The following ANKRD55 variants were observed in gnomAD, a reference collection of about 807,000 sequenced individuals.
ANKRD55 encodes the protein ankyrin repeat domain-containing protein 55.
ANKRD55 carries 41 observed loss-of-function variants against 60.6 expected under a neutral mutation model. The observed-to-expected ratio is 0.68, with a 90% CI of 0.53 to 0.88. ANKRD55 has a LOEUF of 0.88. Among genes scored for constraint, ANKRD55 ranks in the 40% least tolerant of loss-of-function variants. The pLI, the probability that ANKRD55 is intolerant of heterozygous loss-of-function variation, is 0.00. For missense variants in ANKRD55, 732 were observed against 767.6 expected, an observed-to-expected ratio of 0.95 and a Z score of 0.55; for synonymous variants, 264 against 290.3, an observed-to-expected ratio of 0.91 and a Z score of 0.92.
At chr5:56,115,943 C>T (rs987907571) in intron 9 of ANKRD55, among the ~76,000 whole-genome samples, 1 of 151,990 alleles carries the variant, frequency 6.6e-6, no homozygotes, top group Non-Finnish European at 1.5e-5. Flanking sequence ...CAAACTCCAT[C>T]GCCCAGGTTC....
At chr5:56,187,141 T>C (rs1188642234) in intron 2 of ANKRD55, among the ~76,000 whole-genome samples, 1 of 152,180 alleles carries the variant, frequency 6.6e-6, no homozygotes, top group Non-Finnish European at 1.5e-5. Context: ...TAGTATTTAA[T>C]AGAGCTAAAG....
intron 7 of ANKRD55, among the ~76,000 whole-genome samples, chr5:56,141,912 A>G (rs1247182918): frequency 6.6e-6 from 1 of 152,192 alleles, no homozygotes; most frequent in Non-Finnish European, 1.5e-5. Flanking sequence ...TACCTTTATC[A>G]GTTAAGCCAA....
chr5:56,111,818 G>A, intron 9 of ANKRD55, 36 bp from the exon 10 acceptor site: 5 of 1,455,374 alleles, frequency 3.4e-6, no homozygotes, highest in Non-Finnish European at 4.5e-6. Context: ...TGATATGTGA[G>A]TATGGGAAGT....
chr5:56,149,877 T>C (rs1757998967), intron 6 of ANKRD55, among the ~76,000 whole-genome samples: 1 of 151,596 alleles, frequency 6.6e-6, no homozygotes, highest in South Asian at 2.1e-4. Flanking sequence ...AGTCTCATTC[T>C]GTCACCCAGG....
intron 2 of ANKRD55, among the ~76,000 whole-genome samples, chr5:56,204,997 T>C (rs941937043): frequency 3.3e-5 from 5 of 152,342 alleles, no homozygotes; most frequent in Non-Finnish European, 5.9e-5. Flanking sequence ...CATGTTCAGT[T>C]GAACATGATA....
chr5:56,147,300 T>G (rs1757922156), intron 6 of ANKRD55, among the ~76,000 whole-genome samples: 1 of 152,234 alleles, frequency 6.6e-6, no homozygotes, highest in Non-Finnish European at 1.5e-5. Context: ...GAAAAAAATG[T>G]TCTTTCCACA....
At chr5:56,101,226 T>C (rs1465982010) in intron 11 of ANKRD55, among the ~76,000 whole-genome samples, 1 of 152,176 alleles carries the variant, frequency 6.6e-6, no homozygotes, top group Non-Finnish European at 1.5e-5. Context: ...GCAAACAGTG[T>C]GCCAAGTGTT....
chr5:56,170,911 AT>A, intron 4 of ANKRD55, 108 bp from the exon 5 acceptor site: 2 of 985,996 alleles, frequency 2.0e-6, no homozygotes, highest in Non-Finnish European at 1.5e-6. Context: ...TTAAAAACAT[AT>A]TTTATTTGAC....
intron 2 of ANKRD55, among the ~76,000 whole-genome samples, chr5:56,220,814 A>G (rs1246257152): frequency 1.3e-5 from 2 of 152,144 alleles, no homozygotes; most frequent in African/African-American, 4.8e-5. Flanking sequence ...CTCCATCTCA[A>G]AAAACAAAAC....
chr5:56,198,704 G>C (rs1759284003), intron 2 of ANKRD55, among the ~76,000 whole-genome samples: 1 of 152,144 alleles, frequency 6.6e-6, no homozygotes, highest in Non-Finnish European at 1.5e-5. Context: ...AGGCCTGACA[G>C]AAACATACTG....
chr5:56,115,465 C>T (rs1396959975), intron 9 of ANKRD55, among the ~76,000 whole-genome samples: 18 of 151,796 alleles, frequency 1.2e-4, no homozygotes, highest in Admixed American at 9.8e-4. Context: ...GTTACAGGCA[C>T]GCACCACCAC....
intron 2 of ANKRD55, among the ~76,000 whole-genome samples, chr5:56,194,423 C>A (rs1375427576): frequency 6.6e-6 from 1 of 151,728 alleles, no homozygotes; most frequent in East Asian, 1.9e-4. Context: ...AATGATCCAA[C>A]CCCCCCAACA....
At chr5:56,231,511 C>T (rs761422027) in intron 2 of ANKRD55, among the ~76,000 whole-genome samples, 3 of 152,106 alleles carry the variant, frequency 2.0e-5, no homozygotes, top group Non-Finnish European at 4.4e-5. Context: ...TGGTTCTTAG[C>T]AGATTTTCAC....
rs367729426 is a variant in ANKRD55, at chr5:56,111,279, A to C, written c.1469T>G (p.Leu490Arg). Residue 490 changes from leucine to arginine, a missense_variant, in exon 10 of 12, where the codon CTA (leucine) becomes CGA (arginine). Around this residue, in one of 3 missense-constraint regions of ANKRD55, gnomAD observed 597 missense variants for 607.5 expected, o/e 0.98. Coordinates refer to ENST00000341048, the MANE Select transcript of ANKRD55 (RefSeq NM_024669.3). ...LNNRTGCQML[L>R]DNPWKSDSNQ... Reference sequence around the variant, plus strand: ...AGAATCACTCTTCCAGGGGTTATCTAGTAACATCTGGCAGCCAGTTCTGTT... The same window carrying C: ...AGAATCACTCTTCCAGGGGTTATCTCGTAACATCTGGCAGCCAGTTCTGTT... 1.1e-5 allele frequency: 17 copies of C among 1,614,082 alleles called. No homozygotes were observed. Among genetic ancestry groups the C allele is most frequent in the Non-Finnish European group, 1.4e-5 (17 of 1,180,042 alleles).
intron 2 of ANKRD55, among the ~76,000 whole-genome samples, chr5:56,224,546 G>A (rs1217463876): frequency 2.6e-5 from 4 of 152,114 alleles, no homozygotes; most frequent in Non-Finnish European, 5.9e-5. Context: ...AGTGAATCCA[G>A]GAGCCGCTTT....
In ANKRD55 at chr5:56,116,655, C is replaced by T. The variant is rs770562636; in HGVS notation, c.925G>A (p.Gly309Ser). Residue 309 changes from glycine to serine, a missense_variant, in exon 9 of 12, where the codon GGT (glycine) becomes AGT (serine). Physicochemically the swap from Gly to Ser is moderately conservative, Grantham distance 56. Transcript: ENST00000341048. ...STPLAYALYC[G>S]HTACVKLLSQ... ...AGGAGTTTGACACACGCCGTGTGACCGCAGTACAGGGCATAGGCCAAGGGC... is the reference window on the plus strand; with the variant it reads ...AGGAGTTTGACACACGCCGTGTGACTGCAGTACAGGGCATAGGCCAAGGGC... The T allele has an allele frequency of 6.8e-5, 109 of 1,608,278 alleles. No homozygotes were observed. Among genetic ancestry groups the T allele is most frequent in the Non-Finnish European group, 9.0e-5 (106 of 1,177,676 alleles).
At position 56,116,675 on chromosome 5, in the gene ANKRD55, A is replaced by G; in HGVS notation, c.905T>C (p.Leu302Ser). 1 of 1,613,634 alleles carries G rather than the reference A, an allele frequency of 6.2e-7. No homozygotes were observed. Among genetic ancestry groups the G allele is most frequent in the Non-Finnish European group, 8.5e-7 (1 of 1,179,730 alleles). ...NLRDINESTP[L>S]AYALYCGHTA... Reference sequence around the variant, plus strand: ...GTGACCGCAGTACAGGGCATAGGCCAAGGGCGTGCTCTCATTGATGTCCCG... The same window carrying G: ...GTGACCGCAGTACAGGGCATAGGCCGAGGGCGTGCTCTCATTGATGTCCCG... The change falls in exon 9 of 12, where the codon TTG becomes TCG. Residue 302 changes from leucine to serine, a missense_variant. This residue lies in a region of ANKRD55 where 597 missense variants were observed against 607.5 expected (regional missense o/e 0.98). Coordinates refer to ENST00000341048, the MANE Select transcript of ANKRD55 (RefSeq NM_024669.3).
rs193163063 is a variant in ANKRD55, at chr5:56,148,950, C to A, written c.484-5021G>T. The stretch of plus-strand genomic sequence containing the variant: ...ATCTAGAATTTCCAGCAGCTTGGCT[C>A]TGGTTGACATTTAAAAATTAACATA... On this transcript the variant is annotated intron_variant, in intron 6 of 11. Coordinates refer to ENST00000341048, the MANE Select transcript of ANKRD55 (RefSeq NM_024669.3). Among the ~76,000 whole-genome samples, 406 of 152,166 alleles carry A rather than the reference C, an allele frequency of 2.7e-3. 3 individuals are homozygous for A. The highest frequency in any genetic ancestry group is 9.1e-3 in the African/African-American group (376 of 41,514).
At chr5:56,200,311 G>GTT (rs569271279) in intron 2 of ANKRD55, among the ~76,000 whole-genome samples, 5 of 151,078 alleles carry the variant, frequency 3.3e-5, no homozygotes, top group African/African-American at 1.2e-4. Context: ...ACTCTAGTAG[G>GTT]TTTTTTTTTA....
Sources: gnomAD v4.1 joint callset for allele counts (sites outside exome capture counted in the v4.1 genomes callset) on GRCh38, gnomAD v4.1.1 for gene constraint, gnomAD v4.1.1 regional missense constraint, MANE v1.5 for transcripts, NCBI Gene and HGNC (gene_info 2026-07-23, HGNC 2026-07-21) for gene names.